The following TAFA5 variants were observed in gnomAD, a reference collection of about 807,000 sequenced individuals.
TAFA5 encodes TAFA chemokine like family member 5.
In TAFA5, 6 loss-of-function variants were observed where a neutral mutation model predicts 15.3. The observed-to-expected ratio is 0.39, with a 90% CI of 0.21 to 0.77. The LOEUF (loss-of-function observed/expected upper bound fraction) is 0.77, where lower values mean the gene tolerates loss of function less well. Among genes scored for constraint, TAFA5 ranks in the 30% least tolerant of loss-of-function variants. The pLI, the probability that TAFA5 is intolerant of heterozygous loss-of-function variation, is 0.41. For synonymous variants in TAFA5, 103 were observed against 80.7 expected (o/e 1.28, Z -1.48); for missense variants, 161 against 193.1 (o/e 0.83, Z 0.98).
chr22:48,650,216 C>T (rs1334296564), intron 2 of TAFA5, among the ~76,000 whole-genome samples: 2 of 152,198 alleles, frequency 1.3e-5, no homozygotes, highest in African/African-American at 4.8e-5. Context: ...CGGGGAGGCA[C>T]TTGCTGCCCC....
At chr22:48,730,011 T>C (rs1929824959) in intron 3 of TAFA5, among the ~76,000 whole-genome samples, 2 of 152,114 alleles carry the variant, frequency 1.3e-5, no homozygotes, top group African/African-American at 4.8e-5. Flanking sequence ...ATGTGCATCC[T>C]CTGGTGTTAG....
At chr22:48,597,804 C>T (rs1457458853) in intron 1 of TAFA5, among the ~76,000 whole-genome samples, 1 of 152,250 alleles carries the variant, frequency 6.6e-6, no homozygotes, top group African/African-American at 2.4e-5. Context: ...TGAGCTGCTG[C>T]TCTCTGGGTG....
At chr22:48,733,072 G>A (rs943888667) in intron 3 of TAFA5, among the ~76,000 whole-genome samples, 4 of 152,202 alleles carry the variant, frequency 2.6e-5, no homozygotes, top group Middle Eastern at 3.4e-3. Context: ...TCTCTTGATC[G>A]TGATATTTAC....
chr22:48,660,744 C>T (rs6010569), intron 2 of TAFA5, among the ~76,000 whole-genome samples: 20,999 of 152,212 alleles, frequency 0.14, 1,746 homozygotes, highest in Admixed American at 0.26. Context: ...CGACACAGCG[C>T]GTGGCCCTCT....
At chr22:48,626,704 T>C (rs1235230849) in intron 1 of TAFA5, among the ~76,000 whole-genome samples, 2 of 152,262 alleles carry the variant, frequency 1.3e-5, no homozygotes, top group East Asian at 3.8e-4. Context: ...ATCTAATTTA[T>C]CAAATGGTTT....
chr22:48,591,441 G>T (rs886554542), intron 1 of TAFA5, among the ~76,000 whole-genome samples: 2 of 152,244 alleles, frequency 1.3e-5, no homozygotes, highest in Non-Finnish European at 2.9e-5. Flanking sequence ...CAGGGCTTGC[G>T]ATGCCTCAGT....
intron 1 of TAFA5, chr22:48,576,635 G>C: frequency 3.1e-6 from 4 of 1,291,024 alleles, no homozygotes; most frequent in Non-Finnish European, 4.0e-6. Context: ...CGGCTCCGGC[G>C]CCCGACCCGG....
intron 1 of TAFA5, among the ~76,000 whole-genome samples, chr22:48,633,940 C>T (rs1267639310): frequency 6.6e-6 from 1 of 152,214 alleles, no homozygotes; most frequent in Non-Finnish European, 1.5e-5. Context: ...CTCCCTAGGG[C>T]CTGGGCGAGG....
At chr22:48,637,684 G>A (rs1926499977) in intron 1 of TAFA5, among the ~76,000 whole-genome samples, 1 of 151,990 alleles carries the variant, frequency 6.6e-6, no homozygotes, top group Admixed American at 6.6e-5. Context: ...TCGGGTGTGC[G>A]CATCTGTGTG....
At chr22:48,697,918 ATGG>A (rs55883700) in intron 2 of TAFA5, among the ~76,000 whole-genome samples, 80,394 of 149,804 alleles carry the variant, frequency 0.54, 21,662 homozygotes, top group African/African-American at 0.6. Flanking sequence ...CAATATGATG[ATGG>A]TGGTGGTGGT....
intron 1 of TAFA5, among the ~76,000 whole-genome samples, chr22:48,510,988 C>A (rs1334505589): frequency 6.6e-6 from 1 of 152,234 alleles, no homozygotes; most frequent in African/African-American, 2.4e-5. Flanking sequence ...GGGCTGGGCA[C>A]CCCATGTGCC....
intron 2 of TAFA5, 29 bp from the exon 3 acceptor site, chr22:48,707,688 G>C (rs565095068): frequency 1.6e-5 from 26 of 1,611,984 alleles, no homozygotes; most frequent in East Asian, 1.6e-4. Context: ...AGAGTAGCAC[G>C]CTGATTGCCT....
At chr22:48,589,402 G>T (rs376154860) in intron 1 of TAFA5, among the ~76,000 whole-genome samples, 1 of 151,902 alleles carries the variant, frequency 6.6e-6, no homozygotes, top group African/African-American at 2.4e-5. Flanking sequence ...AACCAGGGTC[G>T]GTTGGAGGTC....
chr22:48,599,811 G>A (rs1027071815), intron 1 of TAFA5, among the ~76,000 whole-genome samples: 2 of 152,240 alleles, frequency 1.3e-5, no homozygotes, highest in African/African-American at 4.8e-5. Flanking sequence ...CCTGTGCTAT[G>A]TGGGGGGTTG....
At chr22:48,571,273 T>TC (rs1314833019) in intron 1 of TAFA5, among the ~76,000 whole-genome samples, 2 of 135,198 alleles carry the variant, frequency 1.5e-5, no homozygotes, top group African/African-American at 5.8e-5. Flanking sequence ...GTTGTTTGCT[T>TC]TTTTTTTTTT....
At chr22:48,625,080 A>C (rs141695618) in intron 1 of TAFA5, among the ~76,000 whole-genome samples, 9 of 151,190 alleles carry the variant, frequency 6.0e-5, no homozygotes, top group African/African-American at 1.9e-4. Flanking sequence ...GCTTCACTGC[A>C]CTCCAGCCTG....
chr22:48,599,614 A>C (rs1268997947), intron 1 of TAFA5, among the ~76,000 whole-genome samples: 1 of 152,232 alleles, frequency 6.6e-6, no homozygotes. Context: ...TGTGCGTGCC[A>C]GGAGCGGGAT....
intron 2 of TAFA5, among the ~76,000 whole-genome samples, chr22:48,702,997 A>T (rs1928961182): frequency 6.6e-6 from 1 of 152,260 alleles, no homozygotes. Context: ...TTGTTCTGCA[A>T]ATGCTGAGAG....
At chr22:48,615,105 C>A (rs1601616992) in intron 1 of TAFA5, among the ~76,000 whole-genome samples, 1 of 152,224 alleles carries the variant, frequency 6.6e-6, no homozygotes, top group South Asian at 2.1e-4. Flanking sequence ...TCCCAGGACG[C>A]CCCTTCAGGA....
Sources: gnomAD v4.1 joint callset for allele counts (sites outside exome capture counted in the v4.1 genomes callset) on GRCh38, gnomAD v4.1.1 for gene constraint, MANE v1.5 for transcripts, NCBI Gene and HGNC (gene_info 2026-07-23, HGNC 2026-07-21) for gene names.